Variants in TAF5L observed in about 807,000 individuals in gnomAD.
TAF5L encodes TATA-box binding protein associated factor 5 like.
In TAF5L, 7 loss-of-function variants were observed where a neutral mutation model predicts 51.3. The ratio of observed to expected loss-of-function variants is 0.14; its 90% CI spans 0.08 to 0.26. TAF5L has a LOEUF of 0.26. Among genes scored for constraint, TAF5L ranks in the 10% least tolerant of loss-of-function variants. The probability of loss-of-function intolerance (pLI) is 1.00; values close to 1 mark genes in which losing one functional copy is unlikely to be tolerated. For missense variants in TAF5L, 575 were observed against 758.9 expected (o/e 0.76, Z 2.85); for synonymous variants, 291 against 308.1 (o/e 0.94, Z 0.58).
chr1:229,624,431 G>A (rs1413719635), intron 1 of TAF5L, among the ~76,000 whole-genome samples: 1 of 152,120 alleles, frequency 6.6e-6, no homozygotes, highest in East Asian at 1.9e-4. Flanking sequence ...GGACTACAGG[G>A]AACCTAGAAG....
At chr1:229,601,331 C>T in intron 4 of TAF5L, 1 of 985,282 alleles carries the variant, frequency 1.0e-6, no homozygotes. Flanking sequence ...AAGAATTTTC[C>T]ATCCAAAGTA....
chr1:229,621,057 C>T lies in TAF5L; in HGVS notation c.-4+4828G>A, dbSNP rs74614747. On this transcript the variant is annotated intron_variant, in intron 1 of 4. Transcript: ENST00000258281. ...GTCCAAGAGGACTTTTGGCAAACGACGGAGGTGTTGTAAGTCTGCACTGTT... is the reference window on the plus strand; with the variant it reads ...GTCCAAGAGGACTTTTGGCAAACGATGGAGGTGTTGTAAGTCTGCACTGTT... Among the ~76,000 whole-genome samples, 1,147 of 152,134 alleles carry T rather than the reference C, an allele frequency of 7.5e-3. 12 individuals are homozygous for T. Among genetic ancestry groups the T allele is most frequent in the African/African-American group, 0.026 (1,085 of 41,478 alleles).
intron 3 of TAF5L, chr1:229,607,458 G>A (rs1664637948): frequency 1.0e-6 from 1 of 985,250 alleles, no homozygotes; most frequent in South Asian, 4.7e-5. Context: ...CAGTCGTCAA[G>A]CCTGCCTTTT....
Position 229,594,022 on chromosome 1 carries a change from C to A in TAF5L, c.*275G>T, listed in dbSNP as rs41309641. ...AGAGACAGGAAGGTGCTCGCATGCG[C>A]GAGGTCACGGCAGAGTCTCCATGAG... On this transcript the variant is annotated 3_prime_UTR_variant, in exon 5 of 5. Coordinates refer to ENST00000258281, the Ensembl canonical transcript of TAF5L. The surrounding 1 kb of genome is among the most constrained non-coding windows in gnomAD (Gnocchi z 7.9). The A allele has an allele frequency of 2.8e-6, 1 of 357,830 alleles. No individual in the cohort carries two copies. The highest frequency in any genetic ancestry group is 5.2e-6 in the Non-Finnish European group (1 of 191,460). 22.2% of individuals were successfully genotyped at this position (357,830 alleles called of 1,614,324 possible).
In TAF5L at chr1:229,615,228, C is replaced by A. The variant is rs572085863; in HGVS notation, c.-3-743G>T. 7.2e-5 allele frequency among the ~76,000 whole-genome samples: 11 copies of A among 152,238 alleles called. No homozygotes were observed. In the East Asian group the frequency reaches 2.1e-3, roughly 29 times the overall value. On this transcript the variant is annotated intron_variant, in intron 1 of 4. Coordinates refer to ENST00000258281, the Ensembl canonical transcript of TAF5L. ...TCAGCCTCCCAAGTAGCTGGGACTACAGGCACCCACCACCACGCCCAGCTA... is the reference window on the plus strand; with the variant it reads ...TCAGCCTCCCAAGTAGCTGGGACTAAAGGCACCCACCACCACGCCCAGCTA...
chr1:229,603,531 C>T (rs925080719), intron 3 of TAF5L, among the ~76,000 whole-genome samples: 1 of 152,208 alleles, frequency 6.6e-6, no homozygotes, highest in Non-Finnish European at 1.5e-5. Flanking sequence ...TCTGGTTATA[C>T]AGGCTGGCGT....
intron 2 of TAF5L, among the ~76,000 whole-genome samples, chr1:229,613,490 T>C (rs1571848176): frequency 6.6e-6 from 1 of 152,076 alleles, no homozygotes; most frequent in African/African-American, 2.4e-5. Flanking sequence ...AAGTCAAAAA[T>C]ATTTGGGGAA....
Position 229,601,142 on chromosome 1 carries a change from A to T in TAF5L, c.972+1053T>A. The T allele has an allele frequency of 3.0e-6, 3 of 985,412 alleles. No individual in the cohort carries two copies. In the South Asian group the frequency reaches 1.4e-4, roughly 46 times the overall value. The allele number at this position is 985,412 out of a possible 1,614,324, so 61.0% of individuals were successfully genotyped here. On this transcript the variant is annotated intron_variant, in intron 4 of 4. Coordinates refer to ENST00000258281, the Ensembl canonical transcript of TAF5L. ...CATCACAAGGAAATCCTTCAATTAT[A>T]CTGTCTCGGTTGCAAGAATCAAAAA... is the stretch of plus-strand genomic sequence containing the variant.
At chr1:229,605,865 A>C (rs1230779236) in intron 3 of TAF5L, among the ~76,000 whole-genome samples, 1 of 152,228 alleles carries the variant, frequency 6.6e-6, no homozygotes, top group Non-Finnish European at 1.5e-5. Context: ...AAGCCTCCAC[A>C]ATTGCATGGA....
chr1:229,622,709 G>A (rs942068390), intron 1 of TAF5L, among the ~76,000 whole-genome samples: 8 of 152,196 alleles, frequency 5.3e-5, no homozygotes, highest in Non-Finnish European at 7.3e-5. Context: ...TGAGCTCAAA[G>A]ATCTTCCTGA....
At chr1:229,597,413 G>A (rs1319263208) in intron 4 of TAF5L, among the ~76,000 whole-genome samples, 1 of 152,224 alleles carries the variant, frequency 6.6e-6, no homozygotes, top group African/African-American at 2.4e-5. Context: ...GTGGAAACGT[G>A]TCCAGCTGAC....
rs1232802075 is a variant in TAF5L at position 229,606,457 on chromosome 1, G to A, written c.248-3538C>T. 5 of 985,204 alleles carry A rather than the reference G, an allele frequency of 5.1e-6. No individual in the cohort carries two copies. The African/African-American group carries it at 7.0e-5, about 14-fold the overall frequency. The allele number at this position is 985,204 out of a possible 1,614,324, so 61.0% of individuals were successfully genotyped here. ...TACTGGCGGTAAATGAGAGAACAAT[G>A]GAGTTTTTCATGAGTTCATGGAAAT... On this transcript the variant is annotated intron_variant, in intron 3 of 4. Transcript: ENST00000258281.
Position 229,594,138 on chromosome 1 carries a change from T to TG in TAF5L, c.*158dup, listed in dbSNP as rs1333590942. On this transcript the variant is annotated 3_prime_UTR_variant, in exon 5 of 5. Coordinates refer to ENST00000258281, the Ensembl canonical transcript of TAF5L. The surrounding 1 kb of genome is among the most constrained non-coding windows in gnomAD (Gnocchi z 7.9). ...CCTCCCCAACCTTGGCCTTCGACAC[T>TG]GGGGGGCTGAGTGAAGGGGGACCTG... 2.5e-6 allele frequency: 2 copies of TG among 810,926 alleles called. No individual in the cohort carries two copies. The highest frequency in any genetic ancestry group is 1.8e-5 in the South Asian group (1 of 54,130). 50.2% of individuals were successfully genotyped at this position (810,926 alleles called of 1,614,324 possible). A position where few individuals can be genotyped will look rare whatever the true frequency, so the allele number is the denominator to read the frequency against.
intron 4 of TAF5L, chr1:229,601,702 A>C: frequency 1.0e-6 from 1 of 994,966 alleles, no homozygotes; most frequent in Non-Finnish European, 1.2e-6. Flanking sequence ...CCATCCATCC[A>C]GTGTGGTGAG....
At chr1:229,609,410 T>G (rs1168131020) in intron 3 of TAF5L, among the ~76,000 whole-genome samples, 1 of 152,242 alleles carries the variant, frequency 6.6e-6, no homozygotes, top group Non-Finnish European at 1.5e-5. Context: ...CAGTGAAGTA[T>G]TAATACACTC....
rs1444000603 is a variant in TAF5L, at chr1:229,602,188, T to A, written c.972+7A>T. On this transcript the variant is annotated splice_region_variant and intron_variant, in intron 4 of 4. Coordinates refer to ENST00000258281, the Ensembl canonical transcript of TAF5L. The surrounding 1 kb of genome is among the most constrained non-coding windows in gnomAD (Gnocchi z 4.6). ...GGGTGCAGGGAAGAAAAAAATGGTA[T>A]TCATACCTCCTCCTCCAGAATATCA... 11 of 1,609,602 alleles carry A rather than the reference T, an allele frequency of 6.8e-6. No individual in the cohort carries two copies. The highest frequency in any genetic ancestry group is 9.3e-6 in the Non-Finnish European group (11 of 1,176,822).
intron 2 of TAF5L, among the ~76,000 whole-genome samples, chr1:229,611,601 C>A (rs561571451): frequency 3.3e-5 from 5 of 152,082 alleles, no homozygotes; most frequent in African/African-American, 1.2e-4. Context: ...TTCTTCTTGC[C>A]CCCCGCTTAG....
rs1558146616 is a variant in TAF5L, at chr1:229,602,477, G to T, written c.690C>A (p.Ser230Arg). 1 of 1,614,120 alleles carries T rather than the reference G, an allele frequency of 6.2e-7. No homozygotes were observed. The highest frequency in any genetic ancestry group is 8.5e-7 in the Non-Finnish European group (1 of 1,179,996). Residue 230 changes from serine to arginine, a missense_variant, in exon 4 of 5, where the codon AGC (serine) becomes AGA (arginine). Ser to Arg is a moderately radical substitution (Grantham distance 110). Transcript: ENST00000258281. The surrounding 1 kb of genome is among the most constrained non-coding windows in gnomAD (Gnocchi z 4.6). ...GGGCAGCCTCGTTCTGCAGAATAGG[G>T]CTGGGCATGTCGGGGGGCTCCAAAC...
At position 229,602,979 on chromosome 1, in the gene TAF5L, C is replaced by T; in HGVS notation, c.248-60G>A. 9 of 1,504,634 alleles carry T rather than the reference C, an allele frequency of 6.0e-6. No homozygotes were observed. The highest frequency in any genetic ancestry group is 7.0e-6 in the Non-Finnish European group (8 of 1,138,054). The allele number at this position is 1,504,634 out of a possible 1,614,324, so 93.2% of individuals were successfully genotyped here. A position where few individuals can be genotyped will look rare whatever the true frequency, so the allele number is the denominator to read the frequency against. ...CATAATCTTACAGAATAACGTGATC[C>T]CTCCTGGGGATCACCACCATCATAT... On this transcript the variant is annotated intron_variant, in intron 3 of 4. Transcript: ENST00000258281. The surrounding 1 kb of genome is among the most constrained non-coding windows in gnomAD (Gnocchi z 4.6).
Sources: gnomAD v4.1 joint callset for allele counts (sites outside exome capture counted in the v4.1 genomes callset) on GRCh38, gnomAD v4.1.1 for gene constraint, Gnocchi (gnomAD v3.1) non-coding constraint, MANE v1.5 for transcripts, NCBI Gene and HGNC (gene_info 2026-07-23, HGNC 2026-07-21) for gene names.